Variants in SYT17 observed in about 807,000 individuals in gnomAD.
The protein encoded by SYT17 is synaptotagmin 17, also known as synaptotagmin-17.
A neutral mutation model predicts 46.7 loss-of-function variants in SYT17; 22 were observed. That is an observed-to-expected ratio of 0.47 (90% CI 0.34 to 0.67). The LOEUF is 0.67. Among genes scored for constraint, SYT17 ranks in the 30% least tolerant of loss-of-function variants. The pLI is 0.01. For synonymous variants in SYT17, 251 were observed against 248.4 expected (o/e 1.01, Z -0.10); for missense variants, 519 against 612.8 (o/e 0.85, Z 1.62).
Position 19,168,903 on chromosome 16 carries a change from C to T in SYT17, c.15+242C>T, listed in dbSNP as rs1963971772. Among the ~76,000 whole-genome samples, 1 of 152,094 alleles carries T rather than the reference C, an allele frequency of 6.6e-6. No homozygotes were observed. The highest frequency in any genetic ancestry group is 6.5e-5 in the Admixed American group (1 of 15,286). Reference sequence around the variant, plus strand: ...TGTACTCTGCAACGCGCGCCCTTGCCTCTTGGGGAGGGAATGGGGGGTGGG... The same window carrying T: ...TGTACTCTGCAACGCGCGCCCTTGCTTCTTGGGGAGGGAATGGGGGGTGGG... On this transcript the variant is annotated intron_variant, in intron 1 of 7. Transcript: ENST00000355377. The surrounding 1 kb of genome is among the most constrained non-coding windows in gnomAD (Gnocchi z 6.9).
At chr16:19,222,912 A>G in intron 5 of SYT17, 133 bp from the exon 6 acceptor site, 1 of 1,199,126 alleles carries the variant, frequency 8.3e-7, no homozygotes, top group Non-Finnish European at 1.2e-6. Flanking sequence ...GAAGTCACAC[A>G]CAGAGGCTCC....
At chr16:19,196,335 C>T (rs1037020055) in intron 5 of SYT17, among the ~76,000 whole-genome samples, 7 of 151,876 alleles carry the variant, frequency 4.6e-5, no homozygotes, top group African/African-American at 7.3e-5. Flanking sequence ...CTCCGCCTCC[C>T]GATTTCAAGC....
Position 19,168,586 on chromosome 16 carries a change from CG to C in SYT17, c.-60del, listed in dbSNP as rs1484710984. 1.3e-6 allele frequency: 2 copies of C among 1,541,654 alleles called. No homozygotes were observed. Among genetic ancestry groups the C allele is most frequent in the African/African-American group, 2.8e-5 (2 of 71,472 alleles). On this transcript the variant is annotated 5_prime_UTR_variant, in exon 1 of 8. Coordinates refer to ENST00000355377, the MANE Select transcript of SYT17 (RefSeq NM_016524.4). The surrounding 1 kb of genome is among the most constrained non-coding windows in gnomAD (Gnocchi z 6.9). Reference sequence around the variant, plus strand: ...TGCTTTCTTCCCCCTCCGCTGTTGGCGAGGGCAAAGTGGCCGTGGCGGCGCC... The same window carrying C: ...TGCTTTCTTCCCCCTCCGCTGTTGGCAGGGCAAAGTGGCCGTGGCGGCGCC...
At chr16:19,236,637 T>G (rs769589814) in intron 7 of SYT17, among the ~76,000 whole-genome samples, 1 of 152,106 alleles carries the variant, frequency 6.6e-6, no homozygotes, top group Non-Finnish European at 1.5e-5. Context: ...AGGGTGCAAA[T>G]TAAAATCAGC....
chr16:19,186,409 G>A (rs889455653), intron 5 of SYT17, among the ~76,000 whole-genome samples: 2 of 152,082 alleles, frequency 1.3e-5, no homozygotes, highest in Admixed American at 6.6e-5. Context: ...GCTCGAGCCC[G>A]GGAGTTTGAG....
chr16:19,172,619 G>A (rs1199261999), intron 1 of SYT17, 141 bp from the exon 2 acceptor site: 2 of 1,533,944 alleles, frequency 1.3e-6, no homozygotes, highest in Non-Finnish European at 1.7e-6. Context: ...AGGATGGTAA[G>A]TGGAAATATG....
chr16:19,221,186 C>CAAAAA (rs575577083), intron 5 of SYT17, among the ~76,000 whole-genome samples: 2 of 62,926 alleles, frequency 3.2e-5, no homozygotes, highest in African/African-American at 9.7e-5. Context: ...GACCTTGTCT[C>CAAAAA]AAAAAAAAAA....
chr16:19,176,145 C>G (rs1053202500), intron 3 of SYT17, among the ~76,000 whole-genome samples: 2 of 152,318 alleles, frequency 1.3e-5, no homozygotes, highest in South Asian at 4.1e-4. Flanking sequence ...GCCTTTCTCT[C>G]TCTCTCTTTC....
chr16:19,266,178 G>A (rs1448131250), intron 7 of SYT17, among the ~76,000 whole-genome samples: 1 of 152,212 alleles, frequency 6.6e-6, no homozygotes, highest in East Asian at 1.9e-4. Flanking sequence ...GAGACACAGA[G>A]CTTGGTCAAA....
At chr16:19,247,666 G>A (rs1157606838) in intron 7 of SYT17, among the ~76,000 whole-genome samples, 1 of 152,180 alleles carries the variant, frequency 6.6e-6, no homozygotes, top group Non-Finnish European at 1.5e-5. Flanking sequence ...ACATAAGCAA[G>A]CTTTGAAAAT....
chr16:19,238,761 A>G (rs1966888126), intron 7 of SYT17, among the ~76,000 whole-genome samples: 1 of 151,980 alleles, frequency 6.6e-6, no homozygotes, highest in African/African-American at 2.4e-5. Flanking sequence ...CGAGGGGTCC[A>G]GCAGAGGCCA....
At chr16:19,195,078 T>G (rs2142696523) in intron 5 of SYT17, among the ~76,000 whole-genome samples, 1 of 152,332 alleles carries the variant, frequency 6.6e-6, no homozygotes, top group Non-Finnish European at 1.5e-5. Flanking sequence ...AGGCTGTACA[T>G]TAGGGATAAT....
intron 5 of SYT17, among the ~76,000 whole-genome samples, chr16:19,201,879 T>C (rs1261775873): frequency 6.6e-6 from 1 of 152,112 alleles, no homozygotes; most frequent in Non-Finnish European, 1.5e-5. Context: ...CTGTGTGACA[T>C]TGGGGAAGTT....
chr16:19,180,401 C>T lies in SYT17; in HGVS notation c.193C>T (p.Arg65Trp), dbSNP rs751576051. The change falls in exon 4 of 8, where the codon CGG (arginine) becomes TGG (tryptophan). Residue 65 changes from arginine (R) to tryptophan (W), a missense_variant. Transcript: ENST00000355377. ...CTTCCCTTCCTATAGGATGGCCAGC[C>T]GGAGCAGTGACAAGGATGGTGACTC... ...AQTPPWLMAS[R>W]SSDKDGDSVH... 2.0e-5 allele frequency: 33 copies of T among 1,614,048 alleles called. No homozygotes were observed. Among genetic ancestry groups the T allele is most frequent in the Non-Finnish European group, 2.6e-5 (31 of 1,180,034 alleles).
chr16:19,217,944 G>A (rs1273329921), intron 5 of SYT17, among the ~76,000 whole-genome samples: 1 of 152,216 alleles, frequency 6.6e-6, no homozygotes, highest in African/African-American at 2.4e-5. Flanking sequence ...GTTGCTTGAT[G>A]TCTGGGATTG....
intron 7 of SYT17, among the ~76,000 whole-genome samples, chr16:19,254,218 G>A (rs1355410198): frequency 2.0e-5 from 3 of 152,190 alleles, no homozygotes; most frequent in Non-Finnish European, 2.9e-5. Context: ...CCCTGAGTGA[G>A]TCTGCTGGAC....
intron 5 of SYT17, among the ~76,000 whole-genome samples, chr16:19,202,970 G>A (rs893456090): frequency 2.6e-5 from 4 of 152,058 alleles, no homozygotes; most frequent in Admixed American, 6.6e-5. Context: ...CCTCCACCTC[G>A]ACCTCTGTAA....
At chr16:19,225,244 G>A (rs1286769093) in intron 7 of SYT17, among the ~76,000 whole-genome samples, 2 of 152,210 alleles carry the variant, frequency 1.3e-5, no homozygotes. Context: ...TTTTGATGAT[G>A]ATGGTGGTGA....
chr16:19,168,884 C>G lies in SYT17; in HGVS notation c.15+223C>G, dbSNP rs1963971428. On this transcript the variant is annotated intron_variant, in intron 1 of 7. Transcript: ENST00000355377. This position sits in a 1 kb window ranked among gnomAD's most constrained non-coding sequence, Gnocchi z 6.9. The stretch of plus-strand genomic sequence containing the variant: ...CGGGATGGAGGGTCCTATGTGTACT[C>G]TGCAACGCGCGCCCTTGCCTCTTGG... Among the ~76,000 whole-genome samples the G allele has an allele frequency of 6.6e-6, 1 of 152,112 alleles. No homozygotes were observed. Among genetic ancestry groups the G allele is most frequent in the Non-Finnish European group, 1.5e-5 (1 of 67,996 alleles).
Sources: allele counts gnomAD v4.1 joint callset (sites outside exome capture counted in the v4.1 genomes callset), GRCh38; gene constraint gnomAD v4.1.1; non-coding constraint Gnocchi (gnomAD v3.1); transcripts MANE v1.5; gene names NCBI Gene and HGNC (gene_info 2026-07-23, HGNC 2026-07-21).